Variants in ROR2 observed in about 807,000 individuals in gnomAD.
ROR2 encodes ROR family WNT receptor 2.
In ROR2, 33 loss-of-function variants were observed where a neutral mutation model predicts 74.9. The ratio of observed to expected loss-of-function variants is 0.44; its 90% CI spans 0.33 to 0.59. The LOEUF (loss-of-function observed/expected upper bound fraction) is 0.59. Among genes scored for constraint, ROR2 ranks in the 20% least tolerant of loss-of-function variants. ROR2 has a pLI of 0.02. For synonymous variants in ROR2, 586 were observed against 558.7 expected (o/e 1.05, Z -0.69); for missense variants, 1,216 against 1,313.8 (o/e 0.93, Z 1.15).
At chr9:91,930,507 G>C (rs369447329) in intron 1 of ROR2, among the ~76,000 whole-genome samples, 68 of 152,342 alleles carry the variant, frequency 4.5e-4, no homozygotes, top group African/African-American at 1.6e-3. Context: ...TCTTGCAAGC[G>C]TGACAAACAC....
intron 1 of ROR2, among the ~76,000 whole-genome samples, chr9:91,912,812 A>T (rs947158008): frequency 6.6e-6 from 1 of 152,158 alleles, no homozygotes; most frequent in Non-Finnish European, 1.5e-5. Context: ...TAAGACCATA[A>T]AAATGGATAG....
intron 4 of ROR2, among the ~76,000 whole-genome samples, chr9:91,740,469 G>A (rs576590325): frequency 6.6e-6 from 1 of 151,352 alleles, no homozygotes; most frequent in African/African-American, 2.4e-5. Context: ...GGAGAATGGC[G>A]TGAACCCAGG....
chr9:91,837,809 G>C (rs1158198868), intron 1 of ROR2, among the ~76,000 whole-genome samples: 1 of 152,170 alleles, frequency 6.6e-6, no homozygotes, highest in Non-Finnish European at 1.5e-5. Flanking sequence ...TTTAATCACT[G>C]TTGTAGGTTT....
intron 2 of ROR2, among the ~76,000 whole-genome samples, chr9:91,764,325 A>C (rs1212147920): frequency 6.6e-6 from 1 of 152,164 alleles, no homozygotes. Flanking sequence ...AGTGGCATAT[A>C]ATTTTACATT....
At chr9:91,903,675 C>T (rs1419602228) in intron 1 of ROR2, among the ~76,000 whole-genome samples, 2 of 152,156 alleles carry the variant, frequency 1.3e-5, no homozygotes, top group Non-Finnish European at 2.9e-5. Flanking sequence ...TCAACATCCC[C>T]AAAGGGACAA....
At chr9:91,906,004 T>A (rs553422717) in intron 1 of ROR2, among the ~76,000 whole-genome samples, 1 of 112,270 alleles carries the variant, frequency 8.9e-6, no homozygotes, top group South Asian at 2.5e-4. Context: ...AAGAGAATTC[T>A]TTGAAAAAAA....
chr9:91,834,887 C>G (rs1828566630), intron 1 of ROR2, among the ~76,000 whole-genome samples: 1 of 152,190 alleles, frequency 6.6e-6, no homozygotes, highest in Non-Finnish European at 1.5e-5. Context: ...ATAGCATGGG[C>G]TCTGTTCAAG....
At chr9:91,912,993 G>A (rs1422413634) in intron 1 of ROR2, among the ~76,000 whole-genome samples, 2 of 152,198 alleles carry the variant, frequency 1.3e-5, no homozygotes, top group African/African-American at 4.8e-5. Flanking sequence ...GCTGGGCGTG[G>A]TGGCACATAC....
intron 4 of ROR2, among the ~76,000 whole-genome samples, chr9:91,744,038 A>G (rs1422527949): frequency 6.6e-6 from 1 of 152,186 alleles, no homozygotes; most frequent in Admixed American, 6.5e-5. Context: ...GTTAACCAGA[A>G]TAAATCTTTC....
chr9:91,769,298 C>A (rs1235854851), intron 2 of ROR2, among the ~76,000 whole-genome samples: 2 of 152,086 alleles, frequency 1.3e-5, no homozygotes, highest in Non-Finnish European at 2.9e-5. Flanking sequence ...CCCGTGTCCT[C>A]GTAAAAGGAG....
At chr9:91,763,558 C>T (rs926855421) in intron 2 of ROR2, among the ~76,000 whole-genome samples, 7 of 152,216 alleles carry the variant, frequency 4.6e-5, no homozygotes, top group South Asian at 4.1e-4. Context: ...ATGAATTCCT[C>T]GTGAGCTTCC....
At chr9:91,759,503 T>C (rs1357488256) in intron 2 of ROR2, among the ~76,000 whole-genome samples, 1 of 152,174 alleles carries the variant, frequency 6.6e-6, no homozygotes, top group African/African-American at 2.4e-5. Context: ...AAGTTCTGTA[T>C]GTATGATCTT....
At position 91,733,577 on chromosome 9, in the gene ROR2, C is replaced by T. The variant is rs111778928; in HGVS notation, c.623-141G>A. The T allele has an allele frequency of 1.4e-5, 13 of 906,556 alleles. No individual in the cohort carries two copies. The highest frequency in any genetic ancestry group is 6.6e-5 in the African/African-American group (4 of 60,982). 56.2% of individuals were successfully genotyped at this position (906,556 alleles called of 1,614,324 possible). ...CGCCCCGCCCCAGACTCCCCAACCC[C>T]GAGCCCCGCACACCACCCTGGAGAG... On this transcript the variant is annotated intron_variant, in intron 5 of 8. Coordinates refer to ENST00000375708, the MANE Select transcript of ROR2 (RefSeq NM_004560.4). The surrounding 1 kb of genome is among the most constrained non-coding windows in gnomAD (Gnocchi z 5.7).
chr9:91,779,675 G>A (rs1240309241), intron 1 of ROR2, among the ~76,000 whole-genome samples: 1 of 152,028 alleles, frequency 6.6e-6, no homozygotes, highest in African/African-American at 2.4e-5. Flanking sequence ...CACCGTGCCT[G>A]GCCAATACTT....
chr9:91,874,338 C>T (rs1587809155), intron 1 of ROR2, among the ~76,000 whole-genome samples: 2 of 152,210 alleles, frequency 1.3e-5, no homozygotes, highest in Admixed American at 6.5e-5. Flanking sequence ...TGTCCCAGGA[C>T]TCAACCACAG....
rs779047326 is a variant in ROR2, at chr9:91,775,747, G to A, written c.169C>T (p.Leu57=). ...CCTGCATGTCCCAGCTCACCTTTCA[G>A]AGTTGGAATCGGGCCGTCCTGCCCA... ...LDGQDGPIPT[L]KGYFLNFLEP... Residue 57 remains leucine, a synonymous_variant, in exon 2 of 9, where the codon CTG becomes TTG. Coordinates refer to ENST00000375708, the MANE Select transcript of ROR2 (RefSeq NM_004560.4). 1 of 1,614,096 alleles carries A rather than the reference G, an allele frequency of 6.2e-7. No homozygotes were observed. Among genetic ancestry groups the A allele is most frequent in the Non-Finnish European group, 8.5e-7 (1 of 1,179,962 alleles).
At chr9:91,858,205 G>A (rs888190910) in intron 1 of ROR2, among the ~76,000 whole-genome samples, 26 of 151,976 alleles carry the variant, frequency 1.7e-4, no homozygotes, top group Admixed American at 1.2e-3. Context: ...GCCCCACACC[G>A]AGGGCTAACT....
chr9:91,724,232 G>A lies in ROR2; in HGVS notation c.2262C>T (p.Asn754=). 1.9e-6 allele frequency: 3 copies of A among 1,613,634 alleles called. No individual in the cohort carries two copies. Among genetic ancestry groups the A allele is most frequent in the Non-Finnish European group, 2.5e-6 (3 of 1,180,036 alleles). The change falls in exon 9 of 9, where the codon AAC becomes AAT. Residue 754 remains asparagine, a synonymous_variant. Coordinates refer to ENST00000375708, the MANE Select transcript of ROR2 (RefSeq NM_004560.4). ...CCGAGGTCTGCGCCGAGCTGTTGTA[G>A]TTGGAAAGGTTGCCCCAGGCTCGGA... is the stretch of plus-strand genomic sequence containing the variant. The part of the protein sequence containing the change: ...SRLRAWGNLS[N]YNSSAQTSGA...
intron 1 of ROR2, among the ~76,000 whole-genome samples, chr9:91,891,254 T>G (rs909099799): frequency 9.0e-5 from 3 of 33,218 alleles, no homozygotes; most frequent in Non-Finnish European, 9.6e-5. Flanking sequence ...GTTCCTTTCT[T>G]TTTTTTTTTT....
Sources: gnomAD v4.1 joint callset for allele counts (sites outside exome capture counted in the v4.1 genomes callset) on GRCh38, gnomAD v4.1.1 for gene constraint, Gnocchi (gnomAD v3.1) non-coding constraint, MANE v1.5 for transcripts, NCBI Gene and HGNC (gene_info 2026-07-23, HGNC 2026-07-21) for gene names.